The following LDLRAD3 variants were observed in gnomAD, a reference collection of about 807,000 sequenced individuals.
LDLRAD3 encodes the protein low-density lipoprotein receptor class A domain-containing protein 3.
In LDLRAD3, 20 loss-of-function variants were observed where a neutral mutation model predicts 29.4. That is an observed-to-expected ratio of 0.68 (90% confidence interval 0.48 to 0.99). The LOEUF (loss-of-function observed/expected upper bound fraction) is 0.99, where lower values mean the gene tolerates loss of function less well. Ranked by LOEUF, LDLRAD3 falls within the 50% of genes least tolerant of loss-of-function variation. The pLI, the probability that LDLRAD3 is intolerant of heterozygous loss-of-function variation, is 0.00. For missense variants in LDLRAD3, 420 were observed against 454.3 expected, an observed-to-expected ratio of 0.92 and a Z score of 0.69; for synonymous variants, 157 against 192.7, an observed-to-expected ratio of 0.81 and a Z score of 1.53.
chr11:35,949,415 G>A (rs1186907072), intron 1 of LDLRAD3, among the ~76,000 whole-genome samples: 2 of 152,158 alleles, frequency 1.3e-5, no homozygotes, highest in Non-Finnish European at 2.9e-5. Context: ...GTCTTGTGTT[G>A]AAATCCTAAC....
intron 4 of LDLRAD3, among the ~76,000 whole-genome samples, chr11:36,176,859 C>T (rs1270369697): frequency 1.3e-5 from 2 of 152,162 alleles, no homozygotes; most frequent in African/African-American, 4.8e-5. Context: ...ATGTCTAGGT[C>T]TCTAGCAAGG....
At chr11:36,127,922 C>T (rs1473965446) in intron 4 of LDLRAD3, among the ~76,000 whole-genome samples, 2 of 151,588 alleles carry the variant, frequency 1.3e-5, no homozygotes, top group African/African-American at 2.4e-5. Flanking sequence ...GTCAAAGGTC[C>T]ACCAGTTGAG....
At chr11:36,103,204 A>C in intron 4 of LDLRAD3, among the ~76,000 whole-genome samples, 1 of 148,566 alleles carries the variant, frequency 6.7e-6, no homozygotes, top group Non-Finnish European at 1.5e-5. Flanking sequence ...AACTCTAGGT[A>C]CCTCATACAG....
intron 4 of LDLRAD3, among the ~76,000 whole-genome samples, chr11:36,122,297 G>C (rs1047560047): frequency 2.0e-5 from 3 of 152,242 alleles, no homozygotes; most frequent in South Asian, 2.1e-4. Flanking sequence ...ATCCAGAACA[G>C]AGTGGTCAAG....
intron 1 of LDLRAD3, among the ~76,000 whole-genome samples, chr11:35,994,418 A>G (rs909140620): frequency 6.6e-6 from 1 of 151,514 alleles, no homozygotes; most frequent in Non-Finnish European, 1.5e-5. Flanking sequence ...CATTATATCT[A>G]AAAAAAAGTA....
intron 1 of LDLRAD3, chr11:35,967,165 C>G (rs541565050): frequency 2.6e-5 from 5 of 194,038 alleles, no homozygotes; most frequent in Admixed American, 2.0e-4. Flanking sequence ...GCTGGGCTTC[C>G]CTTAGTTCCC....
At chr11:35,998,768 G>A (rs538588377) in intron 1 of LDLRAD3, among the ~76,000 whole-genome samples, 3 of 152,242 alleles carry the variant, frequency 2.0e-5, no homozygotes, top group East Asian at 1.9e-4. Context: ...TTACTAGAGC[G>A]GTTATTGCTT....
At chr11:36,051,332 A>G (rs1852525023) in intron 2 of LDLRAD3, among the ~76,000 whole-genome samples, 1 of 152,156 alleles carries the variant, frequency 6.6e-6, no homozygotes, top group Admixed American at 6.5e-5. Context: ...GGTGGTCAAC[A>G]TGGTTGAGAG....
chr11:36,151,825 T>C (rs1854282341), intron 4 of LDLRAD3, among the ~76,000 whole-genome samples: 1 of 152,172 alleles, frequency 6.6e-6, no homozygotes. Flanking sequence ...AAATAAACAG[T>C]TCCTCCCAGC....
chr11:36,057,624 T>G (rs1020778311), intron 2 of LDLRAD3, among the ~76,000 whole-genome samples: 2 of 152,214 alleles, frequency 1.3e-5, no homozygotes, highest in African/African-American at 4.8e-5. Flanking sequence ...CCTCTTCGTC[T>G]TCTCTCCTTT....
intron 2 of LDLRAD3, among the ~76,000 whole-genome samples, chr11:36,065,379 A>G (rs1852775168): frequency 6.6e-6 from 1 of 152,174 alleles, no homozygotes; most frequent in South Asian, 2.1e-4. Flanking sequence ...AGGCTATTCT[A>G]ATATGCAGCC....
chr11:36,039,525 C>G (rs971433190), intron 2 of LDLRAD3, among the ~76,000 whole-genome samples: 46 of 150,776 alleles, frequency 3.1e-4, no homozygotes, highest in African/African-American at 1.1e-3. Context: ...AAATTTTAAC[C>G]TGTATGAAGC....
chr11:36,045,826 T>G (rs919365691), intron 2 of LDLRAD3, among the ~76,000 whole-genome samples: 2 of 152,226 alleles, frequency 1.3e-5, no homozygotes, highest in African/African-American at 4.8e-5. Context: ...TTTTAAGTTC[T>G]GGGATACATG....
chr11:35,971,702 A>G lies in LDLRAD3; in HGVS notation c.46+27558A>G, dbSNP rs545296325. ...GTGATGGCAGTCCCAGGGTACGAATATAGAACCAAAAAGATGAATTGAGCC... is the reference window on the plus strand; with the variant it reads ...GTGATGGCAGTCCCAGGGTACGAATGTAGAACCAAAAAGATGAATTGAGCC... On this transcript the variant is annotated intron_variant, in intron 1 of 5. Transcript: ENST00000315571. Among the ~76,000 whole-genome samples the G allele has an allele frequency of 2.0e-5, 3 of 152,344 alleles. No homozygotes were observed. In the East Asian group the frequency reaches 5.8e-4, roughly 29 times the overall value.
chr11:36,145,249 A>G (rs371015897), intron 4 of LDLRAD3, among the ~76,000 whole-genome samples: 2 of 41,112 alleles, frequency 4.9e-5, no homozygotes, highest in African/African-American at 1.4e-4. Context: ...TCCGGGAGGG[A>G]AGTGGGGGGG....
chr11:35,982,684 C>G (rs1016229951), intron 1 of LDLRAD3, among the ~76,000 whole-genome samples: 12 of 152,014 alleles, frequency 7.9e-5, no homozygotes, highest in African/African-American at 2.9e-4. Flanking sequence ...TCTGTCATCC[C>G]CCTTCCTCTC....
At chr11:36,181,591 C>T (rs1161454052) in intron 4 of LDLRAD3, among the ~76,000 whole-genome samples, 2 of 152,144 alleles carry the variant, frequency 1.3e-5, no homozygotes, top group East Asian at 1.9e-4. Flanking sequence ...GCCTCCGAAA[C>T]GCCTCTGGCA....
intron 3 of LDLRAD3, among the ~76,000 whole-genome samples, chr11:36,085,836 C>T (rs1197277297): frequency 3.3e-5 from 5 of 151,984 alleles, no homozygotes; most frequent in Admixed American, 6.6e-5. Flanking sequence ...CCAGGTTGGT[C>T]TCAAACTCCT....
intron 2 of LDLRAD3, among the ~76,000 whole-genome samples, chr11:36,077,561 G>A (rs1172438774): frequency 6.6e-6 from 1 of 152,238 alleles, no homozygotes; most frequent in East Asian, 1.9e-4. Flanking sequence ...GCACAGCCAG[G>A]TATGCCAGCT....
Sources: gnomAD v4.1 joint callset for allele counts (sites outside exome capture counted in the v4.1 genomes callset) on GRCh38, gnomAD v4.1.1 for gene constraint, MANE v1.5 for transcripts, NCBI Gene and HGNC (gene_info 2026-07-23, HGNC 2026-07-21) for gene names.